Variants in PLXNA2 observed in about 807,000 individuals in gnomAD.
PLXNA2 encodes the protein plexin-A2.
PLXNA2 carries 91 observed loss-of-function variants against 193.5 expected under a neutral mutation model. The observed-to-expected ratio is 0.47, with a 90% CI of 0.40 to 0.56. The LOEUF is 0.56. PLXNA2 is among the 20% of genes least tolerant of loss of function. The pLI, the probability that PLXNA2 is intolerant of heterozygous loss-of-function variation, is 0.00. For synonymous variants in PLXNA2, 997 were observed against 1,027.3 expected (o/e 0.97, Z 0.56); for missense variants, 1,995 against 2,503.2 (o/e 0.80, Z 4.33).
intron 3 of PLXNA2, among the ~76,000 whole-genome samples, chr1:208,174,409 G>A (rs773766927): frequency 4.6e-5 from 7 of 151,896 alleles, no homozygotes; most frequent in Non-Finnish European, 8.8e-5. Context: ...GAGACGCCGC[G>A]GGTGGGGGTG....
At chr1:208,221,953 GCT>G (rs1671350491) in intron 1 of PLXNA2, among the ~76,000 whole-genome samples, 1 of 152,194 alleles carries the variant, frequency 6.6e-6, no homozygotes, top group Non-Finnish European at 1.5e-5. Context: ...AGTACTAGTA[GCT>G]ACGTCATAGG....
chr1:208,032,487 T>C (rs1664533656), intron 28 of PLXNA2, among the ~76,000 whole-genome samples: 1 of 152,202 alleles, frequency 6.6e-6, no homozygotes, highest in Admixed American at 6.5e-5. Flanking sequence ...TCTCGTGGAA[T>C]ATTTCTGGGC....
chr1:208,222,707 C>T (rs939675838), intron 1 of PLXNA2, among the ~76,000 whole-genome samples: 1 of 152,196 alleles, frequency 6.6e-6, no homozygotes, highest in Non-Finnish European at 1.5e-5. Flanking sequence ...TCTCCTATTG[C>T]CCTTTTCAGG....
intron 1 of PLXNA2, among the ~76,000 whole-genome samples, chr1:208,227,692 G>C (rs1454064232): frequency 6.6e-6 from 1 of 152,164 alleles, no homozygotes; most frequent in Admixed American, 6.5e-5. Flanking sequence ...AGCACCAGGT[G>C]GAATCCAGGG....
At chr1:208,068,513 G>A (rs768772617) in intron 12 of PLXNA2, among the ~76,000 whole-genome samples, 1 of 152,118 alleles carries the variant, frequency 6.6e-6, no homozygotes, top group East Asian at 1.9e-4. Context: ...CCTTTTCACC[G>A]AAGATCTTGG....
chr1:208,065,288 C>G (rs1665753826), intron 12 of PLXNA2, among the ~76,000 whole-genome samples: 2 of 152,224 alleles, frequency 1.3e-5, no homozygotes, highest in African/African-American at 4.8e-5. Context: ...GAAAGACCAT[C>G]TGATGCTGGG....
At chr1:208,177,148 T>C (rs1216533183) in intron 3 of PLXNA2, among the ~76,000 whole-genome samples, 1 of 152,242 alleles carries the variant, frequency 6.6e-6, no homozygotes, top group East Asian at 1.9e-4. Context: ...TATTCTATGA[T>C]GTTCCAATTG....
chr1:208,178,301 G>T (rs913528309), intron 3 of PLXNA2, among the ~76,000 whole-genome samples: 1 of 152,196 alleles, frequency 6.6e-6, no homozygotes, highest in African/African-American at 2.4e-5. Flanking sequence ...GTTCCCTACA[G>T]GGCATGGGGA....
At chr1:208,091,871 A>G (rs1358027159) in intron 9 of PLXNA2, among the ~76,000 whole-genome samples, 1 of 151,554 alleles carries the variant, frequency 6.6e-6, no homozygotes, top group Admixed American at 6.6e-5. Context: ...TTCATATCAA[A>G]AAAAAAAAAA....
intron 9 of PLXNA2, among the ~76,000 whole-genome samples, chr1:208,088,942 T>C (rs1342347578): frequency 3.3e-5 from 5 of 152,246 alleles, no homozygotes; most frequent in African/African-American, 1.2e-4. Context: ...TATTTGATGA[T>C]CATAGGAAAG....
chr1:208,030,132 C>T (rs1248848389), intron 29 of PLXNA2: 39 of 985,494 alleles, frequency 4.0e-5, no homozygotes, highest in Non-Finnish European at 4.7e-5. Flanking sequence ...CAAAACACAA[C>T]AGGATCCCTC....
chr1:208,145,284 G>A (rs1038575333), intron 3 of PLXNA2, among the ~76,000 whole-genome samples: 4 of 152,108 alleles, frequency 2.6e-5, no homozygotes, highest in Admixed American at 6.5e-5. Context: ...CCCTGTGACA[G>A]CTACTCCTCT....
In PLXNA2 at chr1:208,042,243, G is replaced by A. The variant is rs1267243406; in HGVS notation, c.4141C>T (p.Arg1381Cys). The A allele has an allele frequency of 5.6e-6, 9 of 1,614,230 alleles. No homozygotes were observed. The highest frequency in any genetic ancestry group is 1.1e-5 in the South Asian group (1 of 91,088). ...AGCGAAGCCACGTTGCCCCGGTCGC[G>A]CATGGAGAAACTGCGCTGCAGCTCC... ...TLELQRSFSM[R>C]DRGNVASLIM... Residue 1381 changes from arginine to cysteine, a missense_variant, in exon 22 of 32, where the codon CGC becomes TGC. Physicochemically the swap from Arg to Cys is radical, Grantham distance 180. Coordinates refer to ENST00000367033, the MANE Select transcript of PLXNA2 (RefSeq NM_025179.4).
chr1:208,072,187 G>C (rs370880358), intron 12 of PLXNA2, among the ~76,000 whole-genome samples: 2 of 152,210 alleles, frequency 1.3e-5, no homozygotes, highest in African/African-American at 2.4e-5. Context: ...ATGTTAAAGA[G>C]AATTTATATT....
intron 4 of PLXNA2, among the ~76,000 whole-genome samples, chr1:208,105,627 C>T (rs936358035): frequency 1.3e-5 from 2 of 152,190 alleles, no homozygotes; most frequent in Admixed American, 1.3e-4. Flanking sequence ...GCCCACGATG[C>T]CTACAAGAAA....
At chr1:208,058,218 T>G (rs1262023132) in intron 13 of PLXNA2, among the ~76,000 whole-genome samples, 1 of 152,224 alleles carries the variant, frequency 6.6e-6, no homozygotes, top group Non-Finnish European at 1.5e-5. Context: ...CTGCTCCATG[T>G]GGAGCCCCTG....
At chr1:208,040,959 C>T (rs1327067176) in intron 22 of PLXNA2, among the ~76,000 whole-genome samples, 2 of 152,180 alleles carry the variant, frequency 1.3e-5, no homozygotes, top group African/African-American at 4.8e-5. Flanking sequence ...ACTCCCTGCA[C>T]GTGGTGCAAA....
At chr1:208,052,969 A>C (rs1012490432) in intron 14 of PLXNA2, among the ~76,000 whole-genome samples, 1 of 151,960 alleles carries the variant, frequency 6.6e-6, no homozygotes, top group Non-Finnish European at 1.5e-5. Context: ...CCTGGTGCAG[A>C]GAGCTGTCAG....
At chr1:208,093,873 C>G (rs574061443) in intron 8 of PLXNA2, among the ~76,000 whole-genome samples, 3 of 152,308 alleles carry the variant, frequency 2.0e-5, no homozygotes, top group African/African-American at 7.2e-5. Context: ...CTCCTCGCAG[C>G]CCCCTTACTC....
Sources: allele counts gnomAD v4.1 joint callset (sites outside exome capture counted in the v4.1 genomes callset), GRCh38; gene constraint gnomAD v4.1.1; transcripts MANE v1.5; gene names NCBI Gene and HGNC (gene_info 2026-07-23, HGNC 2026-07-21).